BIRC6: variants seen among roughly 807,000 people sequenced by gnomAD.
BIRC6 encodes dual E2 ubiquitin-conjugating enzyme/E3 ubiquitin-protein ligase BIRC6.
In BIRC6, 98 loss-of-function variants were observed where a neutral mutation model predicts 503.3. The observed-to-expected ratio is 0.19, with a 90% CI of 0.17 to 0.23. The LOEUF (loss-of-function observed/expected upper bound fraction) is 0.23. Ranked by LOEUF, BIRC6 falls within the 10% of genes least tolerant of loss-of-function variation. The pLI is 1.00. For missense variants in BIRC6, 5,360 were observed against 5,806.0 expected, an observed-to-expected ratio of 0.92 and a Z score of 2.50; for synonymous variants, 2,240 against 2,078.7, an observed-to-expected ratio of 1.08 and a Z score of -2.11.
chr2:32,437,343 A>G lies in BIRC6; in HGVS notation c.3631+1159A>G, dbSNP rs533912662. ...GTGGTAGGACGTTTTCAGCTTTTGT[A>G]TTCTGGGGGTAAATAAAAAAAACCA... On this transcript the variant is annotated intron_variant, in intron 15 of 73. Transcript: ENST00000421745. Among the ~76,000 whole-genome samples, 44 of 152,272 alleles carry G rather than the reference A, an allele frequency of 2.9e-4. 1 individual carries two copies. The South Asian group carries it at 8.1e-3, about 28-fold the overall frequency.
intron 5 of BIRC6, 124 bp downstream of exon 5, chr2:32,392,274 A>G (rs891334138): frequency 4.5e-6 from 3 of 664,970 alleles, no homozygotes; most frequent in Admixed American, 2.9e-5. Flanking sequence ...GCTTGTATGC[A>G]TGGATGCTTG....
At chr2:32,499,525 C>G in intron 45 of BIRC6, 22 bp from the exon 46 acceptor site, 76 of 376,240 alleles carry the variant, frequency 2.0e-4, no homozygotes, top group Middle Eastern at 1.1e-3. Context: ...CTTTTTCTGT[C>G]TCTCTCTCTC....
chr2:32,393,227 G>T (rs2039468314), intron 5 of BIRC6, among the ~76,000 whole-genome samples: 1 of 151,946 alleles, frequency 6.6e-6, no homozygotes, highest in South Asian at 2.1e-4. Context: ...ATAGGTAGAG[G>T]AAGAATTAGT....
At chr2:32,483,180 G>C (rs1034316896) in intron 39 of BIRC6, among the ~76,000 whole-genome samples, 4 of 152,118 alleles carry the variant, frequency 2.6e-5, no homozygotes, top group Non-Finnish European at 5.9e-5. Context: ...GCCTCCAAAA[G>C]TGCTTGGATT....
intron 38 of BIRC6, among the ~76,000 whole-genome samples, chr2:32,481,752 C>T (rs773094652): frequency 1.1e-4 from 16 of 149,534 alleles, no homozygotes; most frequent in African/African-American, 1.7e-4. Flanking sequence ...GGTGACAGAA[C>T]GAGACTCTGT....
rs753581213 is a variant in BIRC6, at chr2:32,599,702, T to A, written c.13831-37T>A. The A allele has an allele frequency of 8.2e-6, 13 of 1,582,618 alleles. No individual in the cohort carries two copies. In the South Asian group the frequency reaches 1.3e-4, roughly 16 times the overall value. ...TTTTCTAAATATCAGTGTTTAGGAA[T>A]GTTAACATAGACTTTTGTATGTTTA... On this transcript the variant is annotated intron_variant, in intron 69 of 73. Transcript: ENST00000421745.
chr2:32,357,043 C>A lies in BIRC6; in HGVS notation c.-119C>A, dbSNP rs116030761. ...CCCGCCTCCCTCCCTGCTTCTCCCC[C>A]TCTCCCGTCAGCCTCCCTCCGAGTT... On this transcript the variant is annotated 5_prime_UTR_variant, in exon 1 of 74. Coordinates refer to ENST00000421745, the MANE Select transcript of BIRC6 (RefSeq NM_016252.4). The surrounding 1 kb of genome is among the most constrained non-coding windows in gnomAD (Gnocchi z 4.9). The A allele has an allele frequency of 5.5e-3, 5,023 of 908,228 alleles. 189 individuals are homozygous for A. The African/African-American group carries it at 0.082, about 15-fold the overall frequency. The allele number at this position is 908,228 out of a possible 1,614,324, so 56.3% of individuals were successfully genotyped here.
In BIRC6 at chr2:32,442,080, C is replaced by A. The variant is rs746148214; in HGVS notation, c.3960C>A (p.Ala1320=). 12 of 1,579,382 alleles carry A rather than the reference C, an allele frequency of 7.6e-6. No individual in the cohort carries two copies. The highest frequency in any genetic ancestry group is 1.0e-5 in the Non-Finnish European group (12 of 1,168,350). Residue 1320 remains alanine, a synonymous_variant, in exon 18 of 74, where the codon GCC becomes GCA. Coordinates refer to ENST00000421745, the MANE Select transcript of BIRC6 (RefSeq NM_016252.4). ...SISKERVQRC[A]MLQFSEFHEK... is the part of the protein sequence containing the mutation. ...TTTTTTGTAGAGTGCAACGATGTGC[C>A]ATGTTACAGTTTTCAGAATTTCATG...
At chr2:32,545,592 A>G (rs1243166941) in intron 62 of BIRC6, 51 bp from the exon 63 acceptor site, 2 of 1,439,462 alleles carry the variant, frequency 1.4e-6, no homozygotes, top group Non-Finnish European at 9.8e-7. Flanking sequence ...GTAACTTCTT[A>G]TGTGTTTTTA....
At chr2:32,496,088 G>A (rs2052432785) in intron 45 of BIRC6, among the ~76,000 whole-genome samples, 1 of 152,016 alleles carries the variant, frequency 6.6e-6, no homozygotes, top group Non-Finnish European at 1.5e-5. Context: ...TGATCAGCCT[G>A]CCAAAGTGCT....
chr2:32,457,010 G>T (rs933994781), intron 23 of BIRC6, among the ~76,000 whole-genome samples: 1 of 151,998 alleles, frequency 6.6e-6, no homozygotes, highest in Non-Finnish European at 1.5e-5. Flanking sequence ...TCCTGCCCCT[G>T]TCTCCCAAGT....
chr2:32,550,185 C>G (rs561464027), intron 65 of BIRC6, among the ~76,000 whole-genome samples: 38 of 152,128 alleles, frequency 2.5e-4, no homozygotes, highest in African/African-American at 8.9e-4. Context: ...TTATCTCTGT[C>G]TTTATCTTCT....
chr2:32,498,915 A>G (rs1255232641), intron 45 of BIRC6, among the ~76,000 whole-genome samples: 1 of 152,176 alleles, frequency 6.6e-6, no homozygotes, highest in African/African-American at 2.4e-5. Flanking sequence ...AGGTTTCACC[A>G]TGTTGGCCAG....
chr2:32,540,652 T>C (rs1179318726), intron 61 of BIRC6, among the ~76,000 whole-genome samples: 7 of 152,078 alleles, frequency 4.6e-5, no homozygotes, highest in African/African-American at 1.4e-4. Context: ...TGAATCGTTA[T>C]ACTTGTGACA....
intron 16 of BIRC6, among the ~76,000 whole-genome samples, chr2:32,440,751 TTTATTA>T (rs769945864): frequency 8.8e-5 from 13 of 147,178 alleles, no homozygotes; most frequent in East Asian, 1.9e-4. Flanking sequence ...TGTTTATTTA[TTTATTA>T]TTATTATTAT....
At chr2:32,469,702 G>C (rs1354286319) in intron 30 of BIRC6, 88 bp downstream of exon 30, 1 of 1,191,244 alleles carries the variant, frequency 8.4e-7, no homozygotes, top group African/African-American at 1.5e-5. Context: ...TTGAAATGTG[G>C]ATACTAAGTT....
intron 8 of BIRC6, among the ~76,000 whole-genome samples, chr2:32,405,051 A>AC (rs776107248): frequency 6.6e-6 from 1 of 152,216 alleles, no homozygotes; most frequent in African/African-American, 2.4e-5. Context: ...ATATCAAGAC[A>AC]CCTGAATTCC....
chr2:32,514,784 A>G (rs768022463), intron 54 of BIRC6, among the ~76,000 whole-genome samples: 2 of 152,154 alleles, frequency 1.3e-5, no homozygotes, highest in Non-Finnish European at 1.5e-5. Flanking sequence ...CTCAACTTGC[A>G]TTGTACCTAC....
chr2:32,538,456 A>G (rs1368639404), intron 61 of BIRC6, among the ~76,000 whole-genome samples: 6 of 152,228 alleles, frequency 3.9e-5, no homozygotes, highest in Admixed American at 1.3e-4. Flanking sequence ...AATAAAGGCT[A>G]CAGCCTAATA....
Sources: allele counts gnomAD v4.1 joint callset (sites outside exome capture counted in the v4.1 genomes callset), GRCh38; gene constraint gnomAD v4.1.1; non-coding constraint Gnocchi (gnomAD v3.1); transcripts MANE v1.5; gene names NCBI Gene and HGNC (gene_info 2026-07-23, HGNC 2026-07-21).